Variants in CADM2 observed in about 807,000 individuals in gnomAD.
CADM2 encodes the protein cell adhesion molecule 2.
Under a neutral mutation model 49.8 loss-of-function variants are expected in CADM2, and 12 were observed. The ratio of observed to expected loss-of-function variants is 0.24; its 90% CI spans 0.15 to 0.39. The LOEUF (loss-of-function observed/expected upper bound fraction) is 0.39, where lower values mean the gene tolerates loss of function less well. CADM2 is among the 10% of genes least tolerant of loss of function. CADM2 has a pLI of 1.00. For synonymous variants in CADM2, 214 were observed against 175.4 expected (o/e 1.22, Z -1.74); for missense variants, 378 against 492.3 (o/e 0.77, Z 2.20).
intron 1 of CADM2, among the ~76,000 whole-genome samples, chr3:85,214,715 G>C (rs1489530487): frequency 1.3e-5 from 2 of 151,950 alleles, no homozygotes; most frequent in African/African-American, 4.8e-5. Context: ...AAGCAGAGCA[G>C]TCTCTCCCCA....
At chr3:85,806,194 G>C (rs1310541232) in intron 3 of CADM2, among the ~76,000 whole-genome samples, 1 of 149,012 alleles carries the variant, frequency 6.7e-6, no homozygotes, top group Non-Finnish European at 1.5e-5. Context: ...GAGGGAGGAA[G>C]GAAGGAAGGA....
In CADM2 at chr3:85,494,211, G is replaced by A. The variant is rs1310797045; in HGVS notation, c.62-232311G>A. 2.6e-5 allele frequency among the ~76,000 whole-genome samples: 4 copies of A among 152,002 alleles called. 1 individual carries two copies. The highest frequency in any genetic ancestry group is 6.5e-5 in the Admixed American group (1 of 15,272). ...AGAAATTAGCTGTGCTTTCTTTTAC[G>A]TTTAAGTAAAATTTAACTTCTAGTT... On this transcript the variant is annotated intron_variant, in intron 1 of 9. Coordinates refer to ENST00000383699, the MANE Select transcript of CADM2 (RefSeq NM_001167675.2).
intron 6 of CADM2, among the ~76,000 whole-genome samples, chr3:85,933,625 TCCCAAG>T (rs1333872278): frequency 1.3e-5 from 2 of 151,998 alleles, no homozygotes; most frequent in Admixed American, 6.6e-5. Flanking sequence ...GGAGGTGAAA[TCCCAAG>T]ATATGCAAAG....
intron 1 of CADM2, among the ~76,000 whole-genome samples, chr3:85,572,100 C>G (rs2107248556): frequency 6.6e-6 from 1 of 152,104 alleles, no homozygotes; most frequent in African/African-American, 2.4e-5. Context: ...AAGTTGAGAC[C>G]AGCCTGACCA....
intron 1 of CADM2, among the ~76,000 whole-genome samples, chr3:85,681,030 G>A (rs2066027537): frequency 6.6e-6 from 1 of 152,076 alleles, no homozygotes; most frequent in South Asian, 2.1e-4. Context: ...TAAATGAGAA[G>A]AACCTGAAGT....
At chr3:85,238,023 A>G (rs2042445731) in intron 1 of CADM2, among the ~76,000 whole-genome samples, 1 of 151,908 alleles carries the variant, frequency 6.6e-6, no homozygotes, top group South Asian at 2.1e-4. Context: ...AATAACACTT[A>G]CTTGGTAGTA....
chr3:85,520,672 A>G (rs1049025607), intron 1 of CADM2, among the ~76,000 whole-genome samples: 8 of 152,052 alleles, frequency 5.3e-5, no homozygotes, highest in African/African-American at 1.9e-4. Context: ...TCTAGCTTAT[A>G]TCAGAGAGGA....
At chr3:85,614,369 T>C (rs1048010251) in intron 1 of CADM2, among the ~76,000 whole-genome samples, 1 of 151,598 alleles carries the variant, frequency 6.6e-6, no homozygotes, top group African/African-American at 2.4e-5. Context: ...TTGTAGTGAA[T>C]ATATATACAC....
At chr3:85,965,634 C>T (rs1465714534) in intron 8 of CADM2, among the ~76,000 whole-genome samples, 1 of 151,526 alleles carries the variant, frequency 6.6e-6, no homozygotes, top group Non-Finnish European at 1.5e-5. Context: ...ACAATGTTAA[C>T]ACATTGACCA....
intron 1 of CADM2, among the ~76,000 whole-genome samples, chr3:85,683,386 G>T (rs1294275243): frequency 1.3e-5 from 2 of 152,156 alleles, no homozygotes; most frequent in Admixed American, 6.5e-5. Flanking sequence ...GTCTTAACAG[G>T]TTAAAAGCAG....
intron 1 of CADM2, among the ~76,000 whole-genome samples, chr3:85,051,052 A>G (rs1236413898): frequency 6.6e-6 from 1 of 152,206 alleles, no homozygotes. Flanking sequence ...AGGCCTTTCC[A>G]AAGCTTATGT....
chr3:85,665,134 T>C (rs755089636), intron 1 of CADM2, among the ~76,000 whole-genome samples: 10 of 151,990 alleles, frequency 6.6e-5, no homozygotes, highest in Non-Finnish European at 1.0e-4. Context: ...TTATCTGATA[T>C]TAATTACAAG....
chr3:85,602,587 G>C (rs1040884951), intron 1 of CADM2, among the ~76,000 whole-genome samples: 3 of 151,712 alleles, frequency 2.0e-5, no homozygotes, highest in African/African-American at 7.2e-5. Flanking sequence ...GTCTCTCTTA[G>C]TGTGGTTGCT....
In CADM2 at chr3:85,741,752, A is replaced by G. The variant is rs180901802; in HGVS notation, c.88+15204A>G. 7.0e-4 allele frequency among the ~76,000 whole-genome samples: 107 copies of G among 152,326 alleles called. 1 individual carries two copies. Among genetic ancestry groups the G allele is most frequent in the African/African-American group, 2.5e-3 (105 of 41,576 alleles). ...ATTCAAACTGAGATTTAAAAATCAA[A>G]TATACTTGTTACTCCACCCATTTAA... On this transcript the variant is annotated intron_variant, in intron 2 of 9. Coordinates refer to ENST00000383699, the MANE Select transcript of CADM2 (RefSeq NM_001167675.2).
intron 1 of CADM2, among the ~76,000 whole-genome samples, chr3:85,527,481 G>A (rs2061189388): frequency 6.7e-6 from 1 of 149,880 alleles, no homozygotes; most frequent in Non-Finnish European, 1.5e-5. Context: ...TATTCAACAT[G>A]CATTTCTGAA....
chr3:85,550,366 A>G (rs942510182), intron 1 of CADM2, among the ~76,000 whole-genome samples: 5 of 152,190 alleles, frequency 3.3e-5, no homozygotes, highest in South Asian at 2.1e-4. Context: ...TTTTCTATTG[A>G]TGGAGATCCA....
chr3:85,244,516 A>G (rs1005013710), intron 1 of CADM2, among the ~76,000 whole-genome samples: 2 of 152,208 alleles, frequency 1.3e-5, no homozygotes, highest in African/African-American at 4.8e-5. Context: ...AAGTAATGTG[A>G]AAAACAGTTT....
intron 1 of CADM2, among the ~76,000 whole-genome samples, chr3:85,218,303 ATTGT>A (rs1360305735): frequency 5.3e-5 from 8 of 152,118 alleles, no homozygotes; most frequent in African/African-American, 1.9e-4. Context: ...AAACTCCCCA[ATTGT>A]TTAAGTTGTT....
intron 1 of CADM2, among the ~76,000 whole-genome samples, chr3:85,423,307 G>A (rs370348359): frequency 6.6e-6 from 1 of 152,036 alleles, no homozygotes; most frequent in South Asian, 2.1e-4. Context: ...GTGGTGGTGC[G>A]TGGTGAGCCA....
Sources: allele counts gnomAD v4.1 joint callset (sites outside exome capture counted in the v4.1 genomes callset), GRCh38; gene constraint gnomAD v4.1.1; transcripts MANE v1.5; gene names NCBI Gene and HGNC (gene_info 2026-07-23, HGNC 2026-07-21).